Variants in MEPE observed in about 807,000 individuals in gnomAD.
MEPE encodes matrix extracellular phosphoglycoprotein, also known as matrix, extracellular phosphoglycoprotein with ASARM motif (bone).
Under a neutral mutation model 7.3 loss-of-function variants are expected in MEPE, and 7 were observed. The observed-to-expected ratio is 0.95, with a 90% CI of 0.54 to 1.79. The LOEUF (loss-of-function observed/expected upper bound fraction) is 1.79, where lower values mean the gene tolerates loss of function less well. MEPE is among the 40% of genes most tolerant of loss of function. The probability of loss-of-function intolerance (pLI) is 0.00; values close to 1 mark genes in which losing one functional copy is unlikely to be tolerated. For synonymous variants in MEPE, 214 were observed against 213.1 expected (o/e 1.00, Z -0.04); for missense variants, 623 against 628.2 (o/e 0.99, Z 0.09).
intron 3 of MEPE, 134 bp from the exon 4 acceptor site, chr4:87,844,843 C>A: frequency 1.5e-6 from 1 of 649,412 alleles, no homozygotes; most frequent in Non-Finnish European, 2.4e-6. Context: ...ATGACCTCTA[C>A]CAGTAAACCT....
chr4:87,830,509 A>G (rs1264787976), upstream of MEPE, among the ~76,000 whole-genome samples: 2 of 152,176 alleles, frequency 1.3e-5, no homozygotes, highest in Non-Finnish European at 2.9e-5. Context: ...GTTCTCACTT[A>G]TAAGTGGGAG....
In MEPE at chr4:87,844,983, GA is replaced by G. The variant is rs768254676; in HGVS notation, c.122del (p.Asn41ThrfsTer14). ...QSCVEEQRQE[E>X]KNKDNIGFHH... Reference sequence around the variant, plus strand: ...ATTGAAAATTGTATTTTAGCAGGAAGAAAAAAACAAAGACAATATTGGTTTT... The same window carrying G: ...ATTGAAAATTGTATTTTAGCAGGAAGAAAAAACAAAGACAATATTGGTTTT... On this transcript the variant is annotated frameshift_variant, in exon 4 of 4. Coordinates refer to ENST00000361056, the MANE Select transcript of MEPE (RefSeq NM_020203.6). LOFTEE classifies it low-confidence loss of function (END_TRUNC). The G allele has an allele frequency of 1.8e-5, 28 of 1,535,724 alleles. No homozygotes were observed. The highest frequency in any genetic ancestry group is 6.9e-5 in the East Asian group (3 of 43,380).
chr4:87,829,947 A>C (rs1722561127), upstream of MEPE, among the ~76,000 whole-genome samples: 1 of 148,428 alleles, frequency 6.7e-6, no homozygotes. Flanking sequence ...AAACTGAGGC[A>C]CAGAAAAGTT....
At position 87,845,609 on chromosome 4, in the gene MEPE, AG is replaced by A; in HGVS notation, c.745del (p.Asp249ThrfsTer28). 2 of 1,613,676 alleles carry A rather than the reference AG, an allele frequency of 1.2e-6. No individual in the cohort carries two copies. The highest frequency in any genetic ancestry group is 1.7e-6 in the Non-Finnish European group (2 of 1,179,890). On this transcript the variant is annotated frameshift_variant, in exon 4 of 4. Coordinates refer to ENST00000361056, the MANE Select transcript of MEPE (RefSeq NM_020203.6). LOFTEE classifies it low-confidence loss of function (END_TRUNC). The part of the protein sequence containing the change: ...GSGYTDLQER[G>X]DNDISPFSGD... ...GCGGTTATACAGATCTTCAAGAGAG[AG>A]GGGACAATGATATATCTCCTTTCAG...
chr4:87,836,305 G>T (rs897773636), intron 2 of MEPE, among the ~76,000 whole-genome samples: 9 of 152,036 alleles, frequency 5.9e-5, no homozygotes, highest in Admixed American at 4.6e-4. Context: ...ATGCAATTCG[G>T]TTAATATTCA....
chr4:87,846,725 A>C lies in MEPE; in HGVS notation c.*279A>C. On this transcript the variant is annotated 3_prime_UTR_variant, in exon 4 of 4. Transcript: ENST00000361056. ...GGTGTCATTTAAAAATAGTTGGTGA[A>C]TGTCACAAATGCCTTCTATGTTGTT... 5.7e-6 allele frequency: 2 copies of C among 350,846 alleles called. No individual in the cohort carries two copies. Among genetic ancestry groups the C allele is most frequent in the Non-Finnish European group, 5.1e-6 (1 of 194,488 alleles). The allele number at this position is 350,846 out of a possible 1,614,324, so 21.7% of individuals were successfully genotyped here.
chr4:87,846,340 C>T lies in MEPE; in HGVS notation c.1472C>T (p.Ser491Phe). ...AAGGGTATGCCACAAGGGAAAGGCTCCTGGGGTAGACAACCCCATTCCAAC... is the reference window on the plus strand; with the variant it reads ...AAGGGTATGCCACAAGGGAAAGGCTTCTGGGGTAGACAACCCCATTCCAAC... ...RNKGMPQGKG[S>F]WGRQPHSNRR... Residue 491 changes from serine (S) to phenylalanine (F), a missense_variant, in exon 4 of 4, where the codon TCC (serine) becomes TTC (phenylalanine). By Grantham distance (155) the Ser-to-Phe change is radical. Transcript: ENST00000361056. 6.2e-7 allele frequency: 1 copy of T among 1,614,076 alleles called. No individual in the cohort carries two copies. Among genetic ancestry groups the T allele is most frequent in the Non-Finnish European group, 8.5e-7 (1 of 1,179,960 alleles).
chr4:87,824,188 T>G (rs1722408015), intron 1 of MEPE, among the ~76,000 whole-genome samples: 1 of 152,196 alleles, frequency 6.6e-6, no homozygotes, highest in African/African-American at 2.4e-5. Flanking sequence ...ACTTCTTTTT[T>G]AAAAGACCAG....
chr4:87,835,711 C>T (rs1313838577), intron 2 of MEPE, among the ~76,000 whole-genome samples: 1 of 152,088 alleles, frequency 6.6e-6, no homozygotes, highest in Non-Finnish European at 1.5e-5. Flanking sequence ...GTACTGCTCA[C>T]AACACACATT....
upstream of MEPE, among the ~76,000 whole-genome samples, chr4:87,828,309 G>C (rs1166675957): frequency 6.6e-6 from 1 of 152,106 alleles, no homozygotes; most frequent in Non-Finnish European, 1.5e-5. Context: ...AGTTATTTTG[G>C]CAAGTTAGAA....
intron 3 of MEPE, among the ~76,000 whole-genome samples, chr4:87,843,993 AGTAT>A (rs1252602635): frequency 6.6e-6 from 1 of 152,182 alleles, no homozygotes; most frequent in African/African-American, 2.4e-5. Flanking sequence ...GGATTCACTT[AGTAT>A]AGTCTTGACT....
chr4:87,842,350 A>C (rs532317545), intron 3 of MEPE, among the ~76,000 whole-genome samples: 141 of 152,336 alleles, frequency 9.3e-4, no homozygotes, highest in South Asian at 6.8e-3. Flanking sequence ...TCTCTCCATC[A>C]GGGAGCTCTC....
intron 2 of MEPE, among the ~76,000 whole-genome samples, 161 bp downstream of exon 2, chr4:87,834,929 C>T (rs1001127603): frequency 2.0e-5 from 3 of 152,118 alleles, no homozygotes; most frequent in Admixed American, 1.3e-4. Context: ...ACACTCTTAA[C>T]AAAGGAGGTT....
Position 87,826,389 on chromosome 4 carries a change from T to G in MEPE, c.-13+4918T>G, listed in dbSNP as rs1722467046. On this transcript the variant is annotated intron_variant, in intron 1 of 3. Coordinates refer to the MEPE transcript ENST00000424957. The stretch of plus-strand genomic sequence containing the variant: ...GCACACCACCACAACAGTTTTTTTT[T>G]TTGTTTTTGTTTTTTGTTTTTGTTT... 2.6e-5 allele frequency among the ~76,000 whole-genome samples: 4 copies of G among 151,700 alleles called. No homozygotes were observed. The South Asian group carries it at 6.3e-4, about 24-fold the overall frequency.
At chr4:87,838,849 C>G (rs1239163195) in intron 3 of MEPE, among the ~76,000 whole-genome samples, 164 bp downstream of exon 3, 1 of 152,204 alleles carries the variant, frequency 6.6e-6, no homozygotes. Flanking sequence ...TATTGTAACT[C>G]ACACACCATG....
At chr4:87,843,030 C>T (rs1458005433) in intron 3 of MEPE, among the ~76,000 whole-genome samples, 1 of 152,084 alleles carries the variant, frequency 6.6e-6, no homozygotes, top group Non-Finnish European at 1.5e-5. Context: ...CTTTTTCACC[C>T]TATCTTCATT....
chr4:87,839,720 T>G (rs1365110966), intron 3 of MEPE: 1 of 1,550,110 alleles, frequency 6.5e-7, no homozygotes, highest in Admixed American at 2.0e-5. Context: ...AACATGGGCA[T>G]TATGTTTTTA....
chr4:87,823,130 T>C (rs896585007), intron 1 of MEPE, among the ~76,000 whole-genome samples: 1 of 152,122 alleles, frequency 6.6e-6, no homozygotes, highest in Non-Finnish European at 1.5e-5. Flanking sequence ...TCAAAGAGGG[T>C]GACTCTTACA....
chr4:87,844,493 T>A (rs1723130958), intron 3 of MEPE, among the ~76,000 whole-genome samples: 1 of 151,508 alleles, frequency 6.6e-6, no homozygotes, highest in Admixed American at 6.6e-5. Flanking sequence ...ATTTTCTGTT[T>A]AAAAAGAAGC....
Sources: allele counts gnomAD v4.1 joint callset (sites outside exome capture counted in the v4.1 genomes callset), GRCh38; gene constraint gnomAD v4.1.1; transcripts MANE v1.5; gene names NCBI Gene and HGNC (gene_info 2026-07-23, HGNC 2026-07-21).